The following SWT1 variants were observed in gnomAD, a reference collection of about 807,000 sequenced individuals.
SWT1 encodes the protein transcriptional protein SWT1.
SWT1 carries 33 observed loss-of-function variants against 107.3 expected under a neutral mutation model. That is an observed-to-expected ratio of 0.31 (90% CI 0.23 to 0.41). The LOEUF is 0.41. SWT1 is among the 10% of genes least tolerant of loss of function. The probability of loss-of-function intolerance (pLI) is 1.00; values close to 1 mark genes in which losing one functional copy is unlikely to be tolerated. For synonymous variants in SWT1, 345 were observed against 348.3 expected (o/e 0.99, Z 0.11); for missense variants, 898 against 1,028.9 (o/e 0.87, Z 1.74).
At chr1:185,270,571 G>T (rs1446247006) in intron 16 of SWT1, among the ~76,000 whole-genome samples, 3 of 152,030 alleles carry the variant, frequency 2.0e-5, no homozygotes, top group African/African-American at 7.2e-5. Flanking sequence ...AGCCCGACTT[G>T]GTGGCGCTTG....
chr1:185,195,509 T>C (rs751435312), intron 10 of SWT1, among the ~76,000 whole-genome samples: 1 of 152,254 alleles, frequency 6.6e-6, no homozygotes, highest in Non-Finnish European at 1.5e-5. Flanking sequence ...TTTGGGTATG[T>C]ACCCAGTAAT....
intron 9 of SWT1, among the ~76,000 whole-genome samples, chr1:185,186,648 T>C (rs1382914089): frequency 6.6e-6 from 1 of 152,212 alleles, no homozygotes; most frequent in Non-Finnish European, 1.5e-5. Flanking sequence ...AATTCTAAAT[T>C]TATTTAATTA....
intron 16 of SWT1, among the ~76,000 whole-genome samples, chr1:185,246,372 G>T (rs1158666424): frequency 3.3e-5 from 5 of 151,648 alleles, no homozygotes; most frequent in Non-Finnish European, 7.4e-5. Flanking sequence ...CCACTTCCTG[G>T]CTCAGGTGAT....
chr1:185,160,945 G>A lies in SWT1; in HGVS notation c.84+20G>A. On this transcript the variant is annotated intron_variant, in intron 2 of 18. Transcript: ENST00000367500. The stretch of plus-strand genomic sequence containing the variant: ...GAAAAAGTAAGAATTTTGATTTACT[G>A]ACCTAGAGATACATTTCAATTTATT... The A allele has an allele frequency of 6.5e-7, 1 of 1,541,760 alleles. No homozygotes were observed. The highest frequency in any genetic ancestry group is 1.7e-5 in the Admixed American group (1 of 58,398).
chr1:185,257,110 G>T (rs1662608603), intron 16 of SWT1, among the ~76,000 whole-genome samples: 2 of 152,092 alleles, frequency 1.3e-5, no homozygotes. Flanking sequence ...AGGTGTCAGG[G>T]ACCCACTTGA....
At chr1:185,204,662 A>G in intron 11 of SWT1, 38 bp from the exon 12 acceptor site, 2 of 1,224,838 alleles carry the variant, frequency 1.6e-6, no homozygotes, top group Non-Finnish European at 2.3e-6. Flanking sequence ...AATTACTGTT[A>G]GCATTCTAAA....
chr1:185,258,900 C>T, intron 16 of SWT1, among the ~76,000 whole-genome samples: 1 of 152,092 alleles, frequency 6.6e-6, no homozygotes, highest in Non-Finnish European at 1.5e-5. Context: ...TGCCTCTCTA[C>T]CATTCTCCTT....
Position 185,276,657 on chromosome 1 carries a change from G to T in SWT1, c.2562G>T (p.Gln854His). 1 of 1,580,582 alleles carries T rather than the reference G, an allele frequency of 6.3e-7. No individual in the cohort carries two copies. The highest frequency in any genetic ancestry group is 1.1e-5 in the South Asian group (1 of 88,414). The change falls in exon 18 of 19, where the codon CAG becomes CAT. Residue 854 changes from glutamine to histidine, a missense_variant. By Grantham distance (24) the Gln-to-His change is conservative (BLOSUM62 0). Around this residue, in one of 6 missense-constraint regions of SWT1, gnomAD observed 382 missense variants for 460.0 expected, o/e 0.83. Transcript: ENST00000367500. The part of the protein sequence containing the change: ...TAQEIYDCVS[Q>H]TEYREKLTIG... ...AGGAAATTTATGATTGTGTTTCTCA[G>T]ACTGAGTATAGGTAAGTCATATCTA...
At chr1:185,174,267 T>C in intron 4 of SWT1, 105 bp from the exon 5 acceptor site, 3 of 847,846 alleles carry the variant, frequency 3.5e-6, no homozygotes, top group Non-Finnish European at 5.0e-6. Flanking sequence ...TTTCTACTTT[T>C]TATGAAGCTT....
intron 14 of SWT1, among the ~76,000 whole-genome samples, chr1:185,220,869 C>T (rs1252487716): frequency 6.6e-6 from 1 of 152,198 alleles, no homozygotes; most frequent in African/African-American, 2.4e-5. Flanking sequence ...TTAATGTGAT[C>T]TTTAAAATTG....
chr1:185,200,531 G>T lies in SWT1; in HGVS notation c.1524-2123G>T, dbSNP rs185272806. ...CTCTGCTGCAGGTCTGCTGGAGTTT[G>T]CTGGAGTTCCACTCCAGACCTTGTT... is the stretch of plus-strand genomic sequence containing the variant. On this transcript the variant is annotated intron_variant, in intron 10 of 18. Transcript: ENST00000367500. Among the ~76,000 whole-genome samples, 180 of 152,322 alleles carry T rather than the reference G, an allele frequency of 1.2e-3. 1 individual carries two copies. Among genetic ancestry groups the T allele is most frequent in the African/African-American group, 4.0e-3 (166 of 41,572 alleles).
intron 18 of SWT1, among the ~76,000 whole-genome samples, chr1:185,285,553 T>C (rs1402969034): frequency 6.6e-6 from 1 of 152,246 alleles, no homozygotes; most frequent in Non-Finnish European, 1.5e-5. Flanking sequence ...TGATTATTTA[T>C]GTATTTTTTT....
At chr1:185,232,941 C>G (rs748774734) in intron 16 of SWT1, among the ~76,000 whole-genome samples, 1 of 151,908 alleles carries the variant, frequency 6.6e-6, no homozygotes, top group Non-Finnish European at 1.5e-5. Context: ...AAAAAATTTC[C>G]CCAGGTAATT....
chr1:185,217,453 G>A (rs1392261203), intron 14 of SWT1, among the ~76,000 whole-genome samples: 2 of 152,146 alleles, frequency 1.3e-5, no homozygotes, highest in Non-Finnish European at 2.9e-5. Context: ...AGGGATCTGG[G>A]TTGCATGTTC....
At chr1:185,213,958 C>CT (rs1171692289) in intron 13 of SWT1, among the ~76,000 whole-genome samples, 5 of 152,104 alleles carry the variant, frequency 3.3e-5, no homozygotes, top group African/African-American at 1.2e-4. Flanking sequence ...GTTGCCCAAA[C>CT]TTTTTTTCTC....
At chr1:185,231,477 T>C in intron 15 of SWT1, 100 bp from the exon 16 acceptor site, 1 of 839,006 alleles carries the variant, frequency 1.2e-6, no homozygotes, top group Non-Finnish European at 1.9e-6. Flanking sequence ...AGATTAGTGA[T>C]AATAAATACT....
intron 16 of SWT1, among the ~76,000 whole-genome samples, chr1:185,248,274 T>C (rs1225374042): frequency 6.6e-6 from 1 of 151,248 alleles, no homozygotes. Flanking sequence ...AACAACAATG[T>C]TCTCACACAA....
rs117041474 is a variant in SWT1 at position 185,277,612 on chromosome 1, A to G, written c.2573+944A>G. On this transcript the variant is annotated intron_variant, in intron 18 of 18. Coordinates refer to ENST00000367500, the MANE Select transcript of SWT1 (RefSeq NM_017673.7). The stretch of plus-strand genomic sequence containing the variant: ...GCCACATCTTAGTCTTATTATGGAA[A>G]TAGCTTTGACTTCTTTGACCTCGCA... 6.3e-4 allele frequency among the ~76,000 whole-genome samples: 96 copies of G among 152,258 alleles called. 1 individual carries two copies. The East Asian group carries it at 0.018, about 28-fold the overall frequency.
At chr1:185,197,599 G>A (rs1031219972) in intron 10 of SWT1, among the ~76,000 whole-genome samples, 2 of 152,082 alleles carry the variant, frequency 1.3e-5, no homozygotes, top group Non-Finnish European at 2.9e-5. Flanking sequence ...GACTTTTTTG[G>A]TTGGTAGGCT....
Sources: allele counts gnomAD v4.1 joint callset (sites outside exome capture counted in the v4.1 genomes callset), GRCh38; gene constraint gnomAD v4.1.1; regional missense constraint gnomAD v4.1.1; transcripts MANE v1.5; gene names NCBI Gene and HGNC (gene_info 2026-07-23, HGNC 2026-07-21).